ZNF236: variants seen among roughly 807,000 people sequenced by gnomAD.
ZNF236 encodes zinc finger protein 236, also known as regulated by glucose.
Under a neutral mutation model 191.2 loss-of-function variants are expected in ZNF236, and 50 were observed. The observed-to-expected ratio is 0.26, with a 90% CI of 0.21 to 0.33. ZNF236 has a LOEUF of 0.33. ZNF236 is among the 10% of genes least tolerant of loss of function. The probability of loss-of-function intolerance (pLI) is 1.00; values close to 1 mark genes in which losing one functional copy is unlikely to be tolerated. For synonymous variants in ZNF236, 907 were observed against 928.8 expected, an observed-to-expected ratio of 0.98 and a Z score of 0.43; for missense variants, 1,754 against 2,374.5, an observed-to-expected ratio of 0.74 and a Z score of 5.43.
intron 30 of ZNF236, among the ~76,000 whole-genome samples, chr18:76,962,170 C>T (rs1389593755): frequency 6.6e-6 from 1 of 152,090 alleles, no homozygotes; most frequent in Non-Finnish European, 1.5e-5. Flanking sequence ...CCAATTTTAT[C>T]TTCTAGAATT....
chr18:76,950,809 C>G (rs1968388197), intron 27 of ZNF236, among the ~76,000 whole-genome samples: 1 of 152,246 alleles, frequency 6.6e-6, no homozygotes, highest in South Asian at 2.1e-4. Context: ...GAATCACTAT[C>G]TATGTCGGCT....
intron 10 of ZNF236, among the ~76,000 whole-genome samples, chr18:76,896,912 A>C (rs1977436661): frequency 6.6e-6 from 1 of 151,394 alleles, no homozygotes; most frequent in South Asian, 2.1e-4. Flanking sequence ...CCAACACAGT[A>C]CACACAAGTA....
intron 3 of ZNF236, among the ~76,000 whole-genome samples, chr18:76,861,420 A>G (rs1397211785): frequency 6.6e-6 from 1 of 152,126 alleles, no homozygotes; most frequent in African/African-American, 2.4e-5. Flanking sequence ...GTTGGGTAGA[A>G]CGTAGTCATC....
At chr18:76,848,267 A>T (rs1975757818) in intron 1 of ZNF236, among the ~76,000 whole-genome samples, 1 of 152,200 alleles carries the variant, frequency 6.6e-6, no homozygotes, top group Non-Finnish European at 1.5e-5. Context: ...TTCTTGAGCT[A>T]CTTGGTTCTT....
At chr18:76,922,964 C>A in intron 20 of ZNF236, 107 bp from the exon 21 acceptor site, 1 of 820,282 alleles carries the variant, frequency 1.2e-6, no homozygotes, top group Non-Finnish European at 1.9e-6. Context: ...TTTTCTTGGC[C>A]AAACTTAAGC....
chr18:76,865,546 T>G (rs1976383070), intron 3 of ZNF236, among the ~76,000 whole-genome samples: 1 of 152,126 alleles, frequency 6.6e-6, no homozygotes, highest in Non-Finnish European at 1.5e-5. Context: ...CCACTTCGTT[T>G]GGTAGAAAGT....
intron 25 of ZNF236, among the ~76,000 whole-genome samples, chr18:76,932,577 G>A (rs1440741067): frequency 1.3e-5 from 2 of 152,210 alleles, no homozygotes; most frequent in African/African-American, 4.8e-5. Flanking sequence ...GAAGCGAGTG[G>A]TAGTCGCTCG....
At chr18:76,936,935 T>C (rs1968015972) in intron 25 of ZNF236, among the ~76,000 whole-genome samples, 1 of 152,256 alleles carries the variant, frequency 6.6e-6, no homozygotes, top group African/African-American at 2.4e-5. Context: ...GTGTGTGTTA[T>C]ACTTAAGAAG....
chr18:76,826,277 AT>A (rs937771474), intron 1 of ZNF236, among the ~76,000 whole-genome samples: 1,690 of 119,406 alleles, frequency 0.014, 21 homozygotes, highest in African/African-American at 0.04. Context: ...ATGGCTAGCT[AT>A]TTTTTTTTTT....
At chr18:76,847,965 A>G (rs957147415) in intron 1 of ZNF236, among the ~76,000 whole-genome samples, 7 of 152,174 alleles carry the variant, frequency 4.6e-5, no homozygotes, top group Non-Finnish European at 8.8e-5. Context: ...TTTGAATTGC[A>G]TTGTATTTCT....
intron 20 of ZNF236, 122 bp from the exon 21 acceptor site, chr18:76,922,949 A>C: frequency 1.4e-6 from 1 of 699,130 alleles, no homozygotes; most frequent in Non-Finnish European, 2.5e-6. Context: ...AGTGAAGCTT[A>C]AAGTTTTTCT....
rs925581444 is a variant in ZNF236, at chr18:76,917,549, G to A, written c.3274+1690G>A. On this transcript the variant is annotated intron_variant, in intron 19 of 30. Coordinates refer to ENST00000320610, the MANE Select transcript of ZNF236 (RefSeq NM_001306089.2). The stretch of plus-strand genomic sequence containing the variant: ...CTCTTGTCCATAGGAGAAAAGTCAC[G>A]TGTTAAATTGCGTTGTTTTGCCCAA... 5.3e-5 allele frequency among the ~76,000 whole-genome samples: 8 copies of A among 152,302 alleles called. No homozygotes were observed. The South Asian group carries it at 8.3e-4, about 16-fold the overall frequency.
In ZNF236 at chr18:76,881,438, A is replaced by C; in HGVS notation, c.1343A>C (p.Lys448Thr). Residue 448 changes from lysine to threonine, a missense_variant, in exon 9 of 31, where the codon AAA (lysine) becomes ACA (threonine). By Grantham distance (78) the Lys-to-Thr change is moderately conservative. Around this residue, in one of 5 missense-constraint regions of ZNF236, gnomAD observed 126 missense variants for 110.9 expected, o/e 1.14. Coordinates refer to ENST00000320610, the MANE Select transcript of ZNF236 (RefSeq NM_001306089.2). ...QTDPTDAEQE[K>T]EQESPEKLDK... ...GACCCCACAGACGCAGAGCAAGAAA[A>C]AGAACAGGAAAGCCCGGAGAAACTG... The C allele has an allele frequency of 6.2e-7, 1 of 1,614,186 alleles. No homozygotes were observed. The highest frequency in any genetic ancestry group is 8.5e-7 in the Non-Finnish European group (1 of 1,180,038).
rs1185561830 is a variant in ZNF236 at position 76,927,210 on chromosome 18, C to T, written c.4173+28C>T. The T allele has an allele frequency of 3.1e-6, 5 of 1,611,620 alleles. No homozygotes were observed. In the African/African-American group the frequency reaches 6.7e-5, roughly 22 times the overall value. The stretch of plus-strand genomic sequence containing the variant: ...ATGACACCTTCCATGGTCTCCTGTG[C>T]TGTAATTCTCTTGGCATCACAGAGA... On this transcript the variant is annotated intron_variant, in intron 23 of 30. Transcript: ENST00000320610. The surrounding 1 kb of genome is among the most constrained non-coding windows in gnomAD (Gnocchi z 5.4).
At chr18:76,848,601 G>A (rs1266986361) in intron 1 of ZNF236, among the ~76,000 whole-genome samples, 1 of 152,104 alleles carries the variant, frequency 6.6e-6, no homozygotes, top group Non-Finnish European at 1.5e-5. Flanking sequence ...AAAAATTGAG[G>A]ATTGTCTGAG....
intron 25 of ZNF236, chr18:76,936,223 C>T (rs187485691): frequency 1.8e-5 from 8 of 440,356 alleles, no homozygotes; most frequent in Non-Finnish European, 2.3e-5. Context: ...ATCTTGGCAT[C>T]CTTAGCAACT....
At chr18:76,966,415 A>C (rs568049787) in intron 30 of ZNF236, among the ~76,000 whole-genome samples, 1 of 152,294 alleles carries the variant, frequency 6.6e-6, no homozygotes, top group African/African-American at 2.4e-5. Flanking sequence ...GGGCACAGAA[A>C]TTTATTGGAG....
At chr18:76,831,921 AGTCTCCT>A (rs1975178423) in intron 1 of ZNF236, among the ~76,000 whole-genome samples, 1 of 152,182 alleles carries the variant, frequency 6.6e-6, no homozygotes, top group Admixed American at 6.5e-5. Context: ...AGTTTTTTAT[AGTCTCCT>A]ATTCACTCTT....
chr18:76,938,268 T>G (rs1286202452), intron 26 of ZNF236, among the ~76,000 whole-genome samples: 1 of 152,068 alleles, frequency 6.6e-6, no homozygotes, highest in African/African-American at 2.4e-5. Flanking sequence ...TACACACCTG[T>G]AGTACTAGGT....
Sources: gnomAD v4.1 joint callset for allele counts (sites outside exome capture counted in the v4.1 genomes callset) on GRCh38, gnomAD v4.1.1 for gene constraint, gnomAD v4.1.1 regional missense constraint, Gnocchi (gnomAD v3.1) non-coding constraint, MANE v1.5 for transcripts, NCBI Gene and HGNC (gene_info 2026-07-23, HGNC 2026-07-21) for gene names.